Variants in MAGED1 observed in about 807,000 individuals in gnomAD.
The protein encoded by MAGED1 is melanoma-associated antigen D1.
MAGED1 carries 3 observed loss-of-function variants against 54.1 expected under a neutral mutation model. The observed-to-expected ratio is 0.06, with a 90% CI of 0.03 to 0.14. The LOEUF (loss-of-function observed/expected upper bound fraction) is 0.14, where lower values mean the gene tolerates loss of function less well. Ranked by LOEUF, MAGED1 falls within the 10% of genes least tolerant of loss-of-function variation. The pLI is 1.00. For missense variants in MAGED1, 485 were observed against 623.4 expected, an observed-to-expected ratio of 0.78 and a Z score of 2.36; for synonymous variants, 217 against 227.3, an observed-to-expected ratio of 0.95 and a Z score of 0.41.
Position 51,901,841 on chromosome X carries a change from T to G in MAGED1, c.2248T>G (p.Phe750Val), listed in dbSNP as rs782345608. ...QNARSRFPQT[F>V]AGPIIGPGGT... ...TGCCCGCTCCAGATTCCCTCAGACC[T>G]TTGCCGGTCCCATTATTGGTCCTGG... Residue 750 changes from phenylalanine to valine, a missense_variant, in exon 12 of 13, where the codon TTT becomes GTT. Around this residue, in one of 2 missense-constraint regions of MAGED1, gnomAD observed 186 missense variants for 330.3 expected, o/e 0.56. Transcript: ENST00000326587. 2.5e-6 allele frequency: 3 copies of G among 1,211,158 alleles called. No individual in the cohort carries two copies. Among genetic ancestry groups the G allele is most frequent in the Non-Finnish European group, 3.4e-6 (3 of 895,393 alleles).
intron 1 of MAGED1, among the ~76,000 whole-genome samples, chrX:51,839,799 G>A (rs1469246866): frequency 9.0e-6 from 1 of 111,577 alleles, no homozygotes; most frequent in East Asian, 2.8e-4. Flanking sequence ...TTTGCTGCAT[G>A]GAGATTTGTG....
intron 1 of MAGED1, among the ~76,000 whole-genome samples, chrX:51,817,949 C>A (rs1459823122): frequency 6.3e-5 from 7 of 111,973 alleles, no homozygotes; most frequent in Admixed American, 4.7e-4. Context: ...TTATTGAAGC[C>A]CATTTACGCT....
Position 51,897,245 on chromosome X carries a change from A to G in MAGED1, c.1460A>G (p.Tyr487Cys). 8.3e-7 allele frequency: 1 copy of G among 1,210,797 alleles called. No homozygotes were observed. Among genetic ancestry groups the G allele is most frequent in the Non-Finnish European group, 1.1e-6 (1 of 895,245 alleles). ...GTCAAGTACTTGATGCTTAAGGACT[A>G]CACAAAGGTGCCCATCAAGCGCTCA... ...KLVKYLMLKD[Y>C]TKVPIKRSEM... Residue 487 changes from tyrosine to cysteine, a missense_variant, in exon 5 of 13, where the codon TAC (tyrosine) becomes TGC (cysteine). Transcript: ENST00000326587.
At chrX:51,822,672 A>C (rs913181359) in intron 1 of MAGED1, among the ~76,000 whole-genome samples, 1 of 110,551 alleles carries the variant, frequency 9.0e-6, no homozygotes, top group Non-Finnish European at 1.9e-5. Context: ...TTTTATTTCT[A>C]GAATAGATCT....
chrX:51,835,366 T>C lies in MAGED1; in HGVS notation c.-37+32249T>C, dbSNP rs375156945. Among the ~76,000 whole-genome samples the C allele has an allele frequency of 2.0e-4, 22 of 111,109 alleles. No homozygotes were observed. In the South Asian group the frequency reaches 8.5e-3, roughly 43 times the overall value. ...TTACATGAATATCTCATGTAATTTATTGAATACTGTGCTGAAAGTGAAAAG... is the reference window on the plus strand; with the variant it reads ...TTACATGAATATCTCATGTAATTTACTGAATACTGTGCTGAAAGTGAAAAG... On this transcript the variant is annotated intron_variant, in intron 1 of 12. Transcript: ENST00000375772.
At chrX:51,845,498 A>G (rs186107205) in intron 1 of MAGED1, among the ~76,000 whole-genome samples, 9 of 111,318 alleles carry the variant, frequency 8.1e-5, no homozygotes, top group East Asian at 2.9e-4. Context: ...GAATGCCTGT[A>G]ACTATCAAAC....
intron 1 of MAGED1, among the ~76,000 whole-genome samples, chrX:51,862,601 C>T (rs182191569): frequency 1.8e-5 from 2 of 111,183 alleles, no homozygotes; most frequent in East Asian, 2.8e-4. Flanking sequence ...AATGGAAAAG[C>T]GAACACAAAC....
At chrX:51,847,724 C>G (rs73634254) in intron 1 of MAGED1, among the ~76,000 whole-genome samples, 2 of 110,633 alleles carry the variant, frequency 1.8e-5, no homozygotes, top group East Asian at 5.7e-4. Context: ...GCAAACTAGT[C>G]GGAGATTCTC....
chrX:51,889,402 T>C (rs1928353507), upstream of MAGED1, among the ~76,000 whole-genome samples: 1 of 108,556 alleles, frequency 9.2e-6, no homozygotes, highest in Non-Finnish European at 1.9e-5. Flanking sequence ...CTGAGGTGGG[T>C]GGATCACCTG....
At chrX:51,900,539 T>G in intron 11 of MAGED1, among the ~76,000 whole-genome samples, 1 of 111,911 alleles carries the variant, frequency 8.9e-6, no homozygotes, top group Non-Finnish European at 1.9e-5. Context: ...GTATTTTTAT[T>G]TTTTCCCAAC....
intron 1 of MAGED1, among the ~76,000 whole-genome samples, chrX:51,840,831 T>C (rs1335196622): frequency 9.1e-6 from 1 of 110,388 alleles, no homozygotes; most frequent in Non-Finnish European, 1.9e-5. Context: ...ATCCAGTCTA[T>C]CATTGTTGGA....
chrX:51,852,866 G>A (rs1374111178), intron 1 of MAGED1, among the ~76,000 whole-genome samples: 4 of 111,583 alleles, frequency 3.6e-5, no homozygotes, highest in Non-Finnish European at 5.6e-5. Flanking sequence ...CTGGGTCCTC[G>A]TTATGCTGGC....
intron 1 of MAGED1, among the ~76,000 whole-genome samples, chrX:51,854,496 C>T (rs1927012510): frequency 1.8e-5 from 2 of 111,414 alleles, no homozygotes; most frequent in South Asian, 3.8e-4. Flanking sequence ...CCACAAGGCA[C>T]CTTGTCATGG....
chrX:51,847,557 GA>G (rs368983468), intron 1 of MAGED1, among the ~76,000 whole-genome samples: 1,352 of 103,586 alleles, frequency 0.013, 23 homozygotes, highest in African/African-American at 0.042. Flanking sequence ...GGGTGAAAAG[GA>G]AAAAAAAAAA....
Position 51,893,658 on chromosome X carries a change from G to A in MAGED1, c.-134G>A, listed in dbSNP as rs1928551284. On this transcript the variant is annotated 5_prime_UTR_variant, in exon 1 of 13. Transcript: ENST00000326587. ...GCTGGCATTTTCTCCTGGACAAGGA[G>A]AGAGTGCGGCTGCTGAGAGCCGAGC... The A allele has an allele frequency of 8.8e-6, 1 of 113,592 alleles. No individual in the cohort carries two copies. Among genetic ancestry groups the A allele is most frequent in the Admixed American group, 9.2e-5 (1 of 10,866 alleles). 9.4% of individuals were successfully genotyped at this position (113,592 alleles called of 1,213,427 possible). A position where few individuals can be genotyped will look rare whatever the true frequency, so the allele number is the denominator to read the frequency against.
At chrX:51,841,948 A>G (rs1926508746) in intron 1 of MAGED1, among the ~76,000 whole-genome samples, 1 of 111,914 alleles carries the variant, frequency 8.9e-6, no homozygotes, top group South Asian at 3.7e-4. Flanking sequence ...TGAACTTGAA[A>G]GTAGTTTTTT....
intron 1 of MAGED1, 145 bp downstream of exon 1, chrX:51,893,900 A>C (rs782204836): frequency 5.5e-5 from 7 of 127,597 alleles, no homozygotes; most frequent in South Asian, 3.6e-4. Flanking sequence ...TCCTGATTCA[A>C]AACCCCTGTC....
At chrX:51,838,305 CT>C (rs782384779) in intron 1 of MAGED1, among the ~76,000 whole-genome samples, 6 of 112,544 alleles carry the variant, frequency 5.3e-5, no homozygotes, top group Non-Finnish European at 9.4e-5. Context: ...CAGTAATTAA[CT>C]TTTTTTCTGG....
At chrX:51,844,043 T>A (rs1291758768) in intron 1 of MAGED1, among the ~76,000 whole-genome samples, 1 of 111,756 alleles carries the variant, frequency 8.9e-6, no homozygotes, top group Non-Finnish European at 1.9e-5. Context: ...AAAAGCTTCA[T>A]GTGAAGGCAG....
Sources: gnomAD v4.1 joint callset for allele counts (sites outside exome capture counted in the v4.1 genomes callset) on GRCh38, gnomAD v4.1.1 for gene constraint, gnomAD v4.1.1 regional missense constraint, MANE v1.5 for transcripts, NCBI Gene and HGNC (gene_info 2026-07-23, HGNC 2026-07-21) for gene names.